The following ABCA8 variants were observed in gnomAD, a reference collection of about 807,000 sequenced individuals.
ABCA8 encodes ABC-type organic anion transporter ABCA8.
ABCA8 carries 177 observed loss-of-function variants against 192.3 expected under a neutral mutation model. That is an observed-to-expected ratio of 0.92 (90% confidence interval 0.81 to 1.04). The LOEUF (loss-of-function observed/expected upper bound fraction) is 1.04, where lower values mean the gene tolerates loss of function less well. Among genes scored for constraint, ABCA8 ranks in the 50% least tolerant of loss-of-function variants. The probability of loss-of-function intolerance (pLI) is 0.00; values close to 1 mark genes in which losing one functional copy is unlikely to be tolerated. For synonymous variants in ABCA8, 642 were observed against 690.2 expected (o/e 0.93, Z 1.09); for missense variants, 1,915 against 1,904.8 (o/e 1.01, Z -0.10).
At chr17:68,947,356 C>T (rs541282193) in intron 2 of ABCA8, among the ~76,000 whole-genome samples, 73 of 152,164 alleles carry the variant, frequency 4.8e-4, no homozygotes, top group Non-Finnish European at 9.4e-4. Flanking sequence ...ATTGAATTTG[C>T]CAATATTTTA....
intron 11 of ABCA8, among the ~76,000 whole-genome samples, chr17:68,924,213 G>A (rs1287181790): frequency 6.6e-6 from 1 of 152,076 alleles, no homozygotes; most frequent in Admixed American, 6.6e-5. Context: ...GGGCTTGGTG[G>A]TGGGTGCCTG....
intron 1 of ABCA8, among the ~76,000 whole-genome samples, chr17:68,950,112 A>C (rs1257812654): frequency 1.3e-5 from 2 of 152,212 alleles, no homozygotes; most frequent in African/African-American, 2.4e-5. Context: ...ATACAAAATC[A>C]ATGTGCAAAA....
In ABCA8 at chr17:68,922,194, C is replaced by CT. The variant is rs201226205; in HGVS notation, c.1501+47dup. The CT allele has an allele frequency of 1.2e-4, 64 of 527,328 alleles. 1 individual carries two copies. Among genetic ancestry groups the CT allele is most frequent in the African/African-American group, 3.6e-4 (11 of 30,906 alleles). 32.7% of individuals were successfully genotyped at this position (527,328 alleles called of 1,614,324 possible). The stretch of plus-strand genomic sequence containing the variant: ...TAACAAATATTTTCTTTCTCTCTCT[C>CT]TTTTTTTTTTTTTTTTTTTTTTTTT... On this transcript the variant is annotated intron_variant, in intron 12 of 39. Coordinates refer to ENST00000586539, the MANE Select transcript of ABCA8 (RefSeq NM_001288985.2).
intron 17 of ABCA8, among the ~76,000 whole-genome samples, chr17:68,914,416 C>T (rs1011092416): frequency 6.6e-6 from 1 of 152,004 alleles, no homozygotes; most frequent in Non-Finnish European, 1.5e-5. Flanking sequence ...CACCAAAATG[C>T]TATTAGAACT....
At chr17:68,916,770 T>A (rs1370650663) in intron 17 of ABCA8, among the ~76,000 whole-genome samples, 1 of 152,170 alleles carries the variant, frequency 6.6e-6, no homozygotes, top group African/African-American at 2.4e-5. Context: ...AAAATACAAG[T>A]GTGTCAGTTG....
intron 38 of ABCA8, 70 bp downstream of exon 38, chr17:68,869,630 T>A (rs1279296659): frequency 2.7e-6 from 3 of 1,093,696 alleles, no homozygotes; most frequent in African/African-American, 1.6e-5. Flanking sequence ...ATTTTTGTCA[T>A]AAAGGTGATT....
intron 24 of ABCA8, among the ~76,000 whole-genome samples, chr17:68,890,568 G>T (rs1341268649): frequency 1.3e-5 from 2 of 151,886 alleles, no homozygotes; most frequent in Non-Finnish European, 2.9e-5. Flanking sequence ...GCCCAGGCTG[G>T]AGTGCAGTGG....
chr17:68,888,642 A>G (rs1050202442), intron 24 of ABCA8, among the ~76,000 whole-genome samples: 4 of 152,170 alleles, frequency 2.6e-5, no homozygotes, highest in Non-Finnish European at 5.9e-5. Context: ...GCAAGGGGGG[A>G]AGACATTTAA....
rs1457411127 is a variant in ABCA8 at position 68,881,024 on chromosome 17, T to C, written c.4038+96A>G. The C allele has an allele frequency of 9.6e-6, 8 of 834,436 alleles. No individual in the cohort carries two copies. In the East Asian group the frequency reaches 2.0e-4, roughly 21 times the overall value. 51.7% of individuals were successfully genotyped at this position (834,436 alleles called of 1,614,324 possible). On this transcript the variant is annotated intron_variant, in intron 32 of 39. Coordinates refer to ENST00000586539, the MANE Select transcript of ABCA8 (RefSeq NM_001288985.2). ...GGTAGTTCATTAATCACTTCAGTTATATAAGGATTAAGTGGAATCTGTTGT... is the reference window on the plus strand; with the variant it reads ...GGTAGTTCATTAATCACTTCAGTTACATAAGGATTAAGTGGAATCTGTTGT...
rs750818949 is a variant in ABCA8, at chr17:68,876,667, C to T, written c.4236G>A (p.Lys1412=). 105 of 1,614,082 alleles carry T rather than the reference C, an allele frequency of 6.5e-5. 1 individual carries two copies. Among genetic ancestry groups the T allele is most frequent in the Admixed American group, 4.7e-4 (28 of 60,008 alleles). Reference sequence around the variant, plus strand: ...CCTCTGACAAGGTCTTCACGGGAGACTTCAGCTGGTCCTGCAGCTTGAGCG... The same window carrying T: ...CCTCTGACAAGGTCTTCACGGGAGATTTCAGCTGGTCCTGCAGCTTGAGCG... The part of the protein sequence containing the change: ...VDALKLQDQL[K]SPVKTLSEGI... The change falls in exon 34 of 40, where the codon AAG becomes AAA. Residue 1412 remains lysine, a synonymous_variant. Coordinates refer to ENST00000586539, the MANE Select transcript of ABCA8 (RefSeq NM_001288985.2).
chr17:68,922,243 T>TAAAA lies in ABCA8; in HGVS notation c.1499_1500insTTTT (p.Lys500AsnfsTer7). Reference sequence around the variant, plus strand: ...TTTTTTTTTTTTTTTTTTTTTTACCTTTCAAGGCTTCTATTTTATCAGGCT... The same window carrying TAAAA: ...TTTTTTTTTTTTTTTTTTTTTTACCTAAAATTCAAGGCTTCTATTTTATCAGGCT... On this transcript the variant is annotated frameshift_variant and splice_region_variant, in exon 12 of 40. Coordinates refer to ENST00000586539, the MANE Select transcript of ABCA8 (RefSeq NM_001288985.2). LOFTEE classifies it high-confidence loss of function. The TAAAA allele has an allele frequency of 3.9e-6, 3 of 762,540 alleles. No homozygotes were observed. Among genetic ancestry groups the TAAAA allele is most frequent in the Non-Finnish European group, 5.7e-6 (3 of 530,230 alleles). The allele number at this position is 762,540 out of a possible 1,614,324, so 47.2% of individuals were successfully genotyped here. A position where few individuals can be genotyped will look rare whatever the true frequency, so the allele number is the denominator to read the frequency against.
chr17:68,932,649 T>C (rs761173531), intron 6 of ABCA8, 135 bp from the exon 7 acceptor site: 4 of 660,510 alleles, frequency 6.1e-6, no homozygotes, highest in Non-Finnish European at 1.0e-5. Flanking sequence ...CACTTCTATG[T>C]CCTGTCATTG....
intron 7 of ABCA8, among the ~76,000 whole-genome samples, chr17:68,931,341 A>G (rs2067869400): frequency 6.6e-6 from 1 of 152,194 alleles, no homozygotes; most frequent in Non-Finnish European, 1.5e-5. Context: ...GGGATAAAGG[A>G]TTTTTATATT....
chr17:68,940,584 C>T (rs762787468), intron 4 of ABCA8, among the ~76,000 whole-genome samples, 174 bp downstream of exon 4: 2 of 152,126 alleles, frequency 1.3e-5, no homozygotes, highest in Non-Finnish European at 2.9e-5. Flanking sequence ...GTAGTTTTAA[C>T]TTAGATACTG....
At chr17:68,914,159 A>G (rs1020592510) in intron 17 of ABCA8, among the ~76,000 whole-genome samples, 1 of 152,136 alleles carries the variant, frequency 6.6e-6, no homozygotes, top group African/African-American at 2.4e-5. Context: ...TCTCAACAAA[A>G]TAAAAGCCAT....
At chr17:68,949,080 T>A (rs922017998) in intron 2 of ABCA8, among the ~76,000 whole-genome samples, 1 of 152,210 alleles carries the variant, frequency 6.6e-6, no homozygotes, top group East Asian at 1.9e-4. Flanking sequence ...CTGAGGTCTC[T>A]GTCCTGTTTC....
chr17:68,905,646 A>G (rs1019146331), intron 19 of ABCA8, among the ~76,000 whole-genome samples: 5 of 152,274 alleles, frequency 3.3e-5, no homozygotes, highest in African/African-American at 1.2e-4. Flanking sequence ...AGAGAATCTG[A>G]TATCTGTGGA....
intron 10 of ABCA8, among the ~76,000 whole-genome samples, chr17:68,927,183 G>A (rs1202366059): frequency 2.6e-5 from 4 of 152,078 alleles, no homozygotes; most frequent in Non-Finnish European, 5.9e-5. Flanking sequence ...GCCTGAGCTG[G>A]AGAGGCAGAG....
At chr17:68,900,812 A>G (rs368961317) in intron 21 of ABCA8, among the ~76,000 whole-genome samples, 1 of 152,150 alleles carries the variant, frequency 6.6e-6, no homozygotes, top group Non-Finnish European at 1.5e-5. Context: ...AACCCACATG[A>G]TCATCTCAGT....
Sources: gnomAD v4.1 joint callset for allele counts (sites outside exome capture counted in the v4.1 genomes callset) on GRCh38, gnomAD v4.1.1 for gene constraint, MANE v1.5 for transcripts, NCBI Gene and HGNC (gene_info 2026-07-23, HGNC 2026-07-21) for gene names.